Variants in MLIP observed in about 807,000 individuals in gnomAD.
The protein encoded by MLIP is muscular LMNA-interacting protein.
Under a neutral mutation model 84.8 loss-of-function variants are expected in MLIP, and 79 were observed. That is an observed-to-expected ratio of 0.93 (90% CI 0.78 to 1.12). The LOEUF (loss-of-function observed/expected upper bound fraction) is 1.12. Ranked by LOEUF, MLIP falls within the 50% of genes most tolerant of loss-of-function variation. MLIP has a pLI of 0.00. For missense variants in MLIP, 1,257 were observed against 1,160.6 expected (o/e 1.08, Z -1.21); for synonymous variants, 504 against 463.0 (o/e 1.09, Z -1.14).
At chr6:54,167,578 G>T (rs976868657) in intron 8 of MLIP, among the ~76,000 whole-genome samples, 1 of 151,592 alleles carries the variant, frequency 6.6e-6, no homozygotes, top group African/African-American at 2.4e-5. Context: ...TATTATTTCT[G>T]CTCATCCTCA....
At chr6:54,196,993 A>G (rs972484854) in intron 10 of MLIP, among the ~76,000 whole-genome samples, 1 of 152,136 alleles carries the variant, frequency 6.6e-6, no homozygotes, top group African/African-American at 2.4e-5. Context: ...GGAGTTCCAG[A>G]CAAGGGAAGA....
At chr6:54,100,314 T>G (rs1413432481) in intron 1 of MLIP, among the ~76,000 whole-genome samples, 4 of 147,744 alleles carry the variant, frequency 2.7e-5, no homozygotes, top group Non-Finnish European at 6.0e-5. Context: ...GCTTTTTTTC[T>G]GGTAAGATGA....
Position 54,081,400 on chromosome 6 carries a change from T to G in MLIP, c.64-40047T>G, listed in dbSNP as rs539286086. Among the ~76,000 whole-genome samples the G allele has an allele frequency of 2.5e-3, 376 of 152,206 alleles. 1 individual carries two copies. Among genetic ancestry groups the G allele is most frequent in the African/African-American group, 8.0e-3 (331 of 41,530 alleles). ...CAATGTTGGGGTCCACATATTTTTT[T>G]TTTGTTTGTTTGTTTTTGTTATTTG... On this transcript the variant is annotated intron_variant, in intron 1 of 12. Transcript: ENST00000274897.
At chr6:54,212,540 TGCCTGTGTGTGTGC>T (rs1056479926) in intron 11 of MLIP, among the ~76,000 whole-genome samples, 17 of 152,222 alleles carry the variant, frequency 1.1e-4, no homozygotes, top group African/African-American at 3.6e-4. Context: ...GGTGTATGTG[TGCCTGTGTGTGTGC>T]GCCTGTGTGT....
At position 54,064,917 on chromosome 6, in the gene MLIP, T is replaced by TTC. The variant is rs1435774950; in HGVS notation, c.63+45830_63+45831dup. Among the ~76,000 whole-genome samples the TTC allele has an allele frequency of 3.0e-5, 3 of 99,616 alleles. 1 individual carries two copies. Among genetic ancestry groups the TTC allele is most frequent in the African/African-American group, 2.6e-5 (1 of 39,068 alleles). The allele number at this position is 99,616 out of a possible 152,430, so 65.4% of individuals were successfully genotyped here. A position where few individuals can be genotyped will look rare whatever the true frequency, so the allele number is the denominator to read the frequency against. On this transcript the variant is annotated intron_variant, in intron 1 of 12. Transcript: ENST00000274897. ...TTAGTAGTTTACTTAAGTATTAGAA[T>TTC]TCTCTTTTTAATGCTCTGGTTTAAG...
At chr6:54,168,853 CTTTTTTTTT>C (rs3996971) in intron 8 of MLIP, among the ~76,000 whole-genome samples, 5 of 118,812 alleles carry the variant, frequency 4.2e-5, no homozygotes, top group Admixed American at 8.3e-5. Flanking sequence ...GGGTTGAGGT[CTTTTTTTTT>C]TTTTTTTTTT....
At chr6:54,144,339 GC>G (rs1187807995) in intron 4 of MLIP, among the ~76,000 whole-genome samples, 2 of 152,132 alleles carry the variant, frequency 1.3e-5, no homozygotes, top group African/African-American at 2.4e-5. Context: ...TGGTAGTGAG[GC>G]CCTTCACCAT....
At chr6:54,213,720 A>AC (rs1562065731) in intron 11 of MLIP, among the ~76,000 whole-genome samples, 1,226 of 104,948 alleles carry the variant, frequency 0.012, 94 homozygotes, top group African/African-American at 0.046. Context: ...AAAAAAAAAA[A>AC]AAAAAAAAAA....
chr6:54,148,940 A>G (rs1473298570), intron 4 of MLIP, 116 bp from the exon 5 acceptor site: 16 of 771,172 alleles, frequency 2.1e-5, no homozygotes, highest in Non-Finnish European at 3.4e-5. Context: ...GTTCAGCATA[A>G]TAACCCTTTT....
At chr6:54,236,297 G>T (rs1043148724) in intron 12 of MLIP, among the ~76,000 whole-genome samples, 8 of 151,804 alleles carry the variant, frequency 5.3e-5, no homozygotes, top group African/African-American at 1.9e-4. Flanking sequence ...CTGTCATGCT[G>T]TAAACAATTG....
intron 1 of MLIP, among the ~76,000 whole-genome samples, chr6:54,081,256 G>A (rs954997177): frequency 1.3e-5 from 2 of 152,100 alleles, no homozygotes; most frequent in Non-Finnish European, 2.9e-5. Context: ...CATGGTGGCG[G>A]TGAAGAGGGG....
chr6:54,190,796 C>CTT (rs1234496431), intron 10 of MLIP, among the ~76,000 whole-genome samples: 18 of 133,696 alleles, frequency 1.3e-4, no homozygotes, highest in African/African-American at 1.9e-4. Context: ...CAAAGATTTT[C>CTT]TTTTTTTTTT....
chr6:54,152,278 T>G (rs1773531659), intron 5 of MLIP, among the ~76,000 whole-genome samples: 1 of 152,174 alleles, frequency 6.6e-6, no homozygotes, highest in East Asian at 1.9e-4. Flanking sequence ...TTACAATATG[T>G]TCAACAATAT....
chr6:54,159,857 C>A (rs1774429996), intron 5 of MLIP, among the ~76,000 whole-genome samples: 1 of 151,994 alleles, frequency 6.6e-6, no homozygotes, highest in Non-Finnish European at 1.5e-5. Flanking sequence ...GACAGAGAGT[C>A]TGAAGCCAAA....
chr6:54,252,781 T>C (rs955699568), intron 12 of MLIP, among the ~76,000 whole-genome samples: 4 of 151,872 alleles, frequency 2.6e-5, no homozygotes, highest in Non-Finnish European at 5.9e-5. Context: ...CAAACCGGCA[T>C]GTATGATCTA....
At chr6:54,135,729 C>T (rs371239360) in intron 3 of MLIP, among the ~76,000 whole-genome samples, 2 of 151,944 alleles carry the variant, frequency 1.3e-5, no homozygotes, top group African/African-American at 4.8e-5. Flanking sequence ...TTGACATAAT[C>T]AAATCAATGA....
At chr6:54,252,342 AATATAACTATAATATACCATATACT>A (rs1182182723) in intron 12 of MLIP, among the ~76,000 whole-genome samples, 28 of 115,458 alleles carry the variant, frequency 2.4e-4, no homozygotes, top group Admixed American at 8.0e-4. Flanking sequence ...TATAATATAT[AATATAACTATAATATACCATATACT>A]ATATAACTAT....
chr6:54,202,335 A>T (rs1484285405), intron 11 of MLIP, 102 bp downstream of exon 11: 1 of 619,770 alleles, frequency 1.6e-6, no homozygotes, highest in South Asian at 5.2e-5. Context: ...TAAAATAAAG[A>T]TGTCTCTATG....
chr6:54,139,837 C>T (rs1210283683), intron 4 of MLIP, among the ~76,000 whole-genome samples: 2 of 152,042 alleles, frequency 1.3e-5, no homozygotes, highest in Non-Finnish European at 1.5e-5. Context: ...GCAATTTAGC[C>T]TGACTTTACA....
Sources: allele counts gnomAD v4.1 joint callset (sites outside exome capture counted in the v4.1 genomes callset), GRCh38; gene constraint gnomAD v4.1.1; transcripts MANE v1.5; gene names NCBI Gene and HGNC (gene_info 2026-07-23, HGNC 2026-07-21).